The following DCT variants were observed in gnomAD, a reference collection of about 807,000 sequenced individuals.
The protein encoded by DCT is dopachrome tautomerase, also known as L-dopachrome tautomerase.
DCT carries 47 observed loss-of-function variants against 53.0 expected under a neutral mutation model. The ratio of observed to expected loss-of-function variants is 0.89; its 90% CI spans 0.70 to 1.13. DCT has a LOEUF of 1.13. DCT is among the 50% of genes most tolerant of loss of function. The pLI is 0.00. For synonymous variants in DCT, 244 were observed against 237.0 expected, an observed-to-expected ratio of 1.03 and a Z score of -0.27; for missense variants, 669 against 637.4, an observed-to-expected ratio of 1.05 and a Z score of -0.53.
At chr13:94,444,706 T>G (rs573032337) in intron 6 of DCT, among the ~76,000 whole-genome samples, 1 of 152,202 alleles carries the variant, frequency 6.6e-6, no homozygotes, top group South Asian at 2.1e-4. Flanking sequence ...CCAGAGCTTG[T>G]CACCCCAGGG....
At chr13:94,521,256 A>T in the DCT span, among the ~76,000 whole-genome samples, 1 of 152,270 alleles carries the variant, frequency 6.6e-6, no homozygotes, top group African/African-American at 2.4e-5. Context: ...TGCGTATAAC[A>T]TGCTTAGCTC....
the DCT span, among the ~76,000 whole-genome samples, chr13:94,505,454 A>C: frequency 1.3e-5 from 2 of 152,200 alleles, no homozygotes; most frequent in Non-Finnish European, 2.9e-5. Context: ...TTAATGTCAG[A>C]GTCTAGATTT....
chr13:94,524,857 C>A, the DCT span, among the ~76,000 whole-genome samples: 3 of 151,940 alleles, frequency 2.0e-5, no homozygotes, highest in Non-Finnish European at 2.9e-5. Context: ...AAGGGCGGGC[C>A]CTAATCCAAT....
chr13:94,539,564 T>A, the DCT span, among the ~76,000 whole-genome samples: 4 of 152,338 alleles, frequency 2.6e-5, no homozygotes, highest in East Asian at 5.8e-4. Context: ...TAAAACCAAA[T>A]TTTTATGGTT....
the DCT span, among the ~76,000 whole-genome samples, chr13:94,501,665 GGAGA>G: frequency 4.9e-4 from 75 of 151,918 alleles, no homozygotes; most frequent in African/African-American, 1.8e-3. Context: ...AGGAGAGAGA[GGAGA>G]GAGAGAGAAT....
intron 6 of DCT, among the ~76,000 whole-genome samples, chr13:94,456,123 C>T (rs1381299415): frequency 1.3e-5 from 2 of 152,298 alleles, no homozygotes; most frequent in South Asian, 2.1e-4. Flanking sequence ...GCTGTGGCGG[C>T]GTCACAGATA....
chr13:94,478,888 C>A, intron 1 of DCT, 73 bp downstream of exon 1: 1 of 1,421,302 alleles, frequency 7.0e-7, no homozygotes, highest in Non-Finnish European at 9.6e-7. Context: ...TGTCAAGAGT[C>A]TCATCTCTTC....
At chr13:94,531,981 G>A in the DCT span, among the ~76,000 whole-genome samples, 1 of 152,116 alleles carries the variant, frequency 6.6e-6, no homozygotes, top group African/African-American at 2.4e-5. Context: ...CAAAGGATAC[G>A]AATAGACGCT....
At chr13:94,529,122 G>A in the DCT span, among the ~76,000 whole-genome samples, 1 of 152,148 alleles carries the variant, frequency 6.6e-6, no homozygotes, top group South Asian at 2.1e-4. Flanking sequence ...CAACACAGGA[G>A]CACCCAGATT....
chr13:94,458,790 A>G (rs61962250), intron 6 of DCT, among the ~76,000 whole-genome samples: 22,141 of 152,162 alleles, frequency 0.15, 1,936 homozygotes, highest in Non-Finnish European at 0.2. Flanking sequence ...CAGTGGAGCA[A>G]GACTCTGTCT....
At chr13:94,489,761 TACAC>T in the DCT span, among the ~76,000 whole-genome samples, 87,005 of 150,366 alleles carry the variant, frequency 0.58, 25,119 homozygotes, top group Middle Eastern at 0.69. Context: ...GAATGATTAA[TACAC>T]ACACACACAC....
At chr13:94,471,632 T>C (rs992332790) in intron 1 of DCT, among the ~76,000 whole-genome samples, 1 of 152,216 alleles carries the variant, frequency 6.6e-6, no homozygotes, top group African/African-American at 2.4e-5. Flanking sequence ...AAAACAGATT[T>C]GATTAAAACA....
chr13:94,547,809 G>A, the DCT span, among the ~76,000 whole-genome samples: 3 of 151,186 alleles, frequency 2.0e-5, no homozygotes, highest in Non-Finnish European at 4.4e-5. Flanking sequence ...GGCCAACATA[G>A]CAAAAACCCA....
chr13:94,538,164 G>A, the DCT span, among the ~76,000 whole-genome samples: 5 of 152,158 alleles, frequency 3.3e-5, no homozygotes, highest in Non-Finnish European at 5.9e-5. Context: ...GAGATGTTGC[G>A]GAAAGTGACT....
the DCT span, among the ~76,000 whole-genome samples, chr13:94,525,338 G>A: frequency 6.6e-6 from 1 of 152,098 alleles, no homozygotes; most frequent in African/African-American, 2.4e-5. Flanking sequence ...CTGACCTCAG[G>A]TGATCCACCT....
At chr13:94,443,721 A>G (rs1882520396) in intron 6 of DCT, 84 bp from the exon 7 acceptor site, 2 of 1,112,404 alleles carry the variant, frequency 1.8e-6, no homozygotes, top group South Asian at 2.7e-5. Context: ...TCTAAAGTGG[A>G]ATAACTTCTT....
At chr13:94,509,451 C>T in the DCT span, among the ~76,000 whole-genome samples, 1 of 151,530 alleles carries the variant, frequency 6.6e-6, no homozygotes, top group Non-Finnish European at 1.5e-5. Flanking sequence ...AGGAGTGTGA[C>T]CATGTGACAC....
the DCT span, among the ~76,000 whole-genome samples, chr13:94,487,743 C>G: frequency 1.3e-3 from 193 of 152,256 alleles, no homozygotes; most frequent in African/African-American, 4.6e-3. Flanking sequence ...CCTTCCCTGT[C>G]TGATGGTTTT....
chr13:94,471,422 A>G (rs376186473), intron 1 of DCT, among the ~76,000 whole-genome samples: 1 of 152,242 alleles, frequency 6.6e-6, no homozygotes, highest in East Asian at 1.9e-4. Flanking sequence ...ACTCTTCCCA[A>G]GACTAACAAT....
Sources: allele counts gnomAD v4.1 joint callset (sites outside exome capture counted in the v4.1 genomes callset), GRCh38; gene constraint gnomAD v4.1.1; transcripts MANE v1.5; gene names NCBI Gene and HGNC (gene_info 2026-07-23, HGNC 2026-07-21).